Variants in FAT1 observed in about 807,000 individuals in gnomAD.
FAT1 encodes FAT atypical cadherin 1, also known as protocadherin Fat 1.
A neutral mutation model predicts 329.8 loss-of-function variants in FAT1; 171 were observed. That is an observed-to-expected ratio of 0.52 (90% CI 0.46 to 0.59). The LOEUF (loss-of-function observed/expected upper bound fraction) is 0.59, where lower values mean the gene tolerates loss of function less well. FAT1 is among the 20% of genes least tolerant of loss of function. FAT1 has a pLI of 0.00. For missense variants in FAT1, 5,672 were observed against 5,774.4 expected, an observed-to-expected ratio of 0.98 and a Z score of 0.57; for synonymous variants, 2,233 against 2,228.6, an observed-to-expected ratio of 1.00 and a Z score of -0.06.
At chr4:186,638,615 GCA>G (rs35176185) in intron 4 of FAT1, among the ~76,000 whole-genome samples, 2,216 of 139,554 alleles carry the variant, frequency 0.016, 31 homozygotes, top group African/African-American at 0.04. Flanking sequence ...AGTTCCCAAT[GCA>G]CACACACACA....
chr4:186,592,178 A>G (rs1738269732), intron 26 of FAT1, among the ~76,000 whole-genome samples: 1 of 152,210 alleles, frequency 6.6e-6, no homozygotes, highest in African/African-American at 2.4e-5. Context: ...AAGGTGCTCA[A>G]TGTCCTTTCT....
intron 16 of FAT1, 97 bp from the exon 17 acceptor site, chr4:186,606,310 A>C: frequency 1.5e-6 from 2 of 1,361,672 alleles, no homozygotes; most frequent in Admixed American, 2.0e-5. Context: ...GGCAGGTCCC[A>C]GTGAGCTACC....
At chr4:186,697,925 A>G (rs142067063) in intron 2 of FAT1, among the ~76,000 whole-genome samples, 1 of 152,308 alleles carries the variant, frequency 6.6e-6, no homozygotes, top group Non-Finnish European at 1.5e-5. Context: ...GCCCCTTGGT[A>G]TTGAATCAAA....
rs780465068 is a variant in FAT1, at chr4:186,609,886, A to G, written c.9983T>C (p.Ile3328Thr). Reference sequence around the variant, plus strand: ...GCTGAACACAGGGGTATTATCGTTGATATCTGTTACATTAACGTTCACAGT... The same window carrying G: ...GCTGAACACAGGGGTATTATCGTTGGTATCTGTTACATTAACGTTCACAGT... ...VATVNVNVTDINDNTPVFSQD... is the reference protein window; with the variant it reads ...VATVNVNVTDTNDNTPVFSQD... The change falls in exon 15 of 27, where the codon ATC becomes ACC. Residue 3328 changes from isoleucine to threonine, a missense_variant. Ile to Thr is a moderately conservative substitution (Grantham distance 89). Transcript: ENST00000441802. 3.1e-6 allele frequency: 5 copies of G among 1,613,168 alleles called. No individual in the cohort carries two copies. Among genetic ancestry groups the G allele is most frequent in the Admixed American group, 1.7e-5 (1 of 60,002 alleles).
chr4:186,610,685 A>ATTTATATAATTTATATAAATATAAAT lies in FAT1; in HGVS notation c.9854-671_9854-670insATTTATATTTATATAAATTATATAAA, dbSNP rs200683651. On this transcript the variant is annotated intron_variant, in intron 14 of 26. Transcript: ENST00000441802. ...AATTATATAATTTATATAAATATAA[A>ATTTATATAATTTATATAAATATAAAT]TTATATAATTTATATAAATATAAAT... is the stretch of plus-strand genomic sequence containing the variant. Among the ~76,000 whole-genome samples, 17 of 75,654 alleles carry ATTTATATAATTTATATAAATATAAAT rather than the reference A, an allele frequency of 2.2e-4. No homozygotes were observed. In the South Asian group the frequency reaches 3.4e-3, roughly 15 times the overall value. The allele number at this position is 75,654 out of a possible 152,430, so 49.6% of individuals were successfully genotyped here. A position where few individuals can be genotyped will look rare whatever the true frequency, so the allele number is the denominator to read the frequency against.
At position 186,709,047 on chromosome 4, in the gene FAT1, T is replaced by A; in HGVS notation, c.781A>T (p.Thr261Ser). Residue 261 changes from threonine to serine, a missense_variant, in exon 2 of 27, where the codon ACA becomes TCA. Coordinates refer to ENST00000441802, the MANE Select transcript of FAT1 (RefSeq NM_005245.4). Reference protein sequence around the residue: ...NECAPVITAVTLSPSELDRDP... With the variant: ...NECAPVITAVSLSPSELDRDP... ...CTGTCCAGTTCTGATGGTGACAATG[T>A]CACTGCTGTTATCACCGGAGCACAT... The A allele has an allele frequency of 6.2e-7, 1 of 1,614,022 alleles. No individual in the cohort carries two copies. Among genetic ancestry groups the A allele is most frequent in the Admixed American group, 1.7e-5 (1 of 60,024 alleles).
intron 2 of FAT1, among the ~76,000 whole-genome samples, chr4:186,670,025 TAA>T (rs969251672): frequency 6.6e-6 from 1 of 152,144 alleles, no homozygotes; most frequent in Non-Finnish European, 1.5e-5. Context: ...AAGGCAAAAA[TAA>T]AGTTATAGCT....
Position 186,595,757 on chromosome 4 carries a change from C to T in FAT1, c.13070G>A (p.Ser4357Asn), listed in dbSNP as rs2126382457. ...CACTTCAGACAGGCTTTCCCGGGCA[C>T]TGTATGGCTGGGAAGGCTTTTCCTC... is the stretch of plus-strand genomic sequence containing the variant. ...PLEEKPSQPYSARESLSEVQS... is the reference protein window; with the variant it reads ...PLEEKPSQPYNARESLSEVQS... The change falls in exon 26 of 27, where the codon AGT becomes AAT. Residue 4357 changes from serine (S) to asparagine (N), a missense_variant. By Grantham distance (46) the Ser-to-Asn change is conservative. This residue lies in a region of FAT1 where 1,706 missense variants were observed against 1,859.1 expected (regional missense o/e 0.92). Coordinates refer to ENST00000441802, the MANE Select transcript of FAT1 (RefSeq NM_005245.4). 4.3e-6 allele frequency: 7 copies of T among 1,613,906 alleles called. No individual in the cohort carries two copies. Among genetic ancestry groups the T allele is most frequent in the Non-Finnish European group, 5.9e-6 (7 of 1,179,826 alleles).
chr4:186,622,935 G>A (rs1740118873), intron 9 of FAT1, among the ~76,000 whole-genome samples: 2 of 152,210 alleles, frequency 1.3e-5, no homozygotes, highest in Admixed American at 1.3e-4. Flanking sequence ...CCACGAGTGT[G>A]GCATTTCACA....
At chr4:186,590,459 G>A in intron 26 of FAT1, 1 of 1,196,364 alleles carries the variant, frequency 8.4e-7, no homozygotes, top group Non-Finnish European at 1.1e-6. Flanking sequence ...ACAGTCGGCT[G>A]AAAAGGCAAT....
chr4:186,695,743 A>G (rs1047669947), intron 2 of FAT1, among the ~76,000 whole-genome samples: 3 of 141,870 alleles, frequency 2.1e-5, no homozygotes, highest in Admixed American at 7.6e-5. Context: ...ATAATTTTTA[A>G]TATGTATTAT....
chr4:186,699,266 T>C (rs1438849993), intron 2 of FAT1, among the ~76,000 whole-genome samples: 1 of 151,616 alleles, frequency 6.6e-6, no homozygotes, highest in Non-Finnish European at 1.5e-5. Context: ...GTAACTTTTA[T>C]TAAAAAAAAA....
intron 2 of FAT1, among the ~76,000 whole-genome samples, chr4:186,701,219 C>G (rs1348122569): frequency 6.6e-6 from 1 of 152,198 alleles, no homozygotes; most frequent in Non-Finnish European, 1.5e-5. Flanking sequence ...ACCTTAACAT[C>G]TTCCTGCTTC....
intron 2 of FAT1, among the ~76,000 whole-genome samples, chr4:186,667,261 C>A (rs1428293722): frequency 6.6e-6 from 1 of 152,290 alleles, no homozygotes; most frequent in African/African-American, 2.4e-5. Flanking sequence ...TGGTCCCCAC[C>A]GACCCATCAG....
intron 2 of FAT1, among the ~76,000 whole-genome samples, chr4:186,679,168 CA>C (rs1366626585): frequency 6.6e-6 from 1 of 152,026 alleles, no homozygotes; most frequent in Non-Finnish European, 1.5e-5. Flanking sequence ...ATCACGAGGT[CA>C]GGAGATCGAG....
chr4:186,626,644 C>T (rs1208864953), intron 9 of FAT1, among the ~76,000 whole-genome samples: 11 of 107,946 alleles, frequency 1.0e-4, no homozygotes, highest in South Asian at 3.3e-4. Context: ...TTCACCAGCC[C>T]ACAGAATGAA....
chr4:186,724,510 A>C (rs1299696032), upstream of FAT1, among the ~76,000 whole-genome samples: 3 of 152,096 alleles, frequency 2.0e-5, no homozygotes. This position sits in a 1 kb window ranked among gnomAD's most constrained non-coding sequence, Gnocchi z 5.3. Context: ...CTGTGGGACA[A>C]AAGGCAGTCG....
chr4:186,629,998 G>A (rs1477409560), intron 7 of FAT1, among the ~76,000 whole-genome samples: 1 of 152,194 alleles, frequency 6.6e-6, no homozygotes, highest in Non-Finnish European at 1.5e-5. Flanking sequence ...GAGCAGAGAA[G>A]TTTAATCCTG....
At chr4:186,692,125 A>C (rs536838189) in intron 2 of FAT1, among the ~76,000 whole-genome samples, 1 of 152,218 alleles carries the variant, frequency 6.6e-6, no homozygotes, top group African/African-American at 2.4e-5. Flanking sequence ...AACAGAAATA[A>C]TGTCAAAATG....
Sources: gnomAD v4.1 joint callset for allele counts (sites outside exome capture counted in the v4.1 genomes callset) on GRCh38, gnomAD v4.1.1 for gene constraint, gnomAD v4.1.1 regional missense constraint, Gnocchi (gnomAD v3.1) non-coding constraint, MANE v1.5 for transcripts, NCBI Gene and HGNC (gene_info 2026-07-23, HGNC 2026-07-21) for gene names.